Variants in DHRSX observed in about 807,000 individuals in gnomAD.
The protein encoded by DHRSX is polyprenol dehydrogenase.
Under a neutral mutation model 34.0 loss-of-function variants are expected in DHRSX, and 31 were observed. The ratio of observed to expected loss-of-function variants is 0.91; its 90% CI spans 0.69 to 1.23. The LOEUF (loss-of-function observed/expected upper bound fraction) is 1.23, where lower values mean the gene tolerates loss of function less well. DHRSX is among the 50% of genes most tolerant of loss of function. DHRSX has a pLI of 0.00. For synonymous variants in DHRSX, 201 were observed against 183.8 expected, an observed-to-expected ratio of 1.09 and a Z score of -0.76; for missense variants, 414 against 428.1, an observed-to-expected ratio of 0.97 and a Z score of 0.29.
chrX:2,317,783 G>A (rs2042258628), intron 3 of DHRSX, among the ~76,000 whole-genome samples: 1 of 152,102 alleles, frequency 6.6e-6, no homozygotes, highest in Non-Finnish European at 1.5e-5. Flanking sequence ...ATCCACTTTT[G>A]CATAAGACAA....
chrX:2,472,909 T>C (rs967815332), intron 1 of DHRSX, among the ~76,000 whole-genome samples: 18 of 152,062 alleles, frequency 1.2e-4, no homozygotes, highest in Non-Finnish European at 1.8e-4. Flanking sequence ...GTTGCCAACA[T>C]GAGTGTGAGA....
At chrX:2,331,005 GA>G (rs2042465704) in intron 3 of DHRSX, among the ~76,000 whole-genome samples, 1 of 152,184 alleles carries the variant, frequency 6.6e-6, no homozygotes, top group Non-Finnish European at 1.5e-5. Context: ...AAACTTAGCA[GA>G]AGGGAGAACA....
chrX:2,299,031 G>A (rs2041980560), intron 3 of DHRSX, among the ~76,000 whole-genome samples: 1 of 148,186 alleles, frequency 6.7e-6, no homozygotes, highest in African/African-American at 2.5e-5. Flanking sequence ...AAATGTGGAA[G>A]GATTCCTTAA....
chrX:2,230,457 C>G (rs560859422), intron 6 of DHRSX, among the ~76,000 whole-genome samples: 3 of 152,278 alleles, frequency 2.0e-5, no homozygotes, highest in East Asian at 1.9e-4. Flanking sequence ...ATGGCTTGTG[C>G]TGTTTAATGT....
At chrX:2,222,834 C>T (rs1277871153) in intron 6 of DHRSX, among the ~76,000 whole-genome samples, 6 of 152,188 alleles carry the variant, frequency 3.9e-5, no homozygotes, top group Admixed American at 3.3e-4. Context: ...GTCTTGACTT[C>T]AGCAGCCAGT....
chrX:2,358,243 G>A (rs1487953460), intron 3 of DHRSX, among the ~76,000 whole-genome samples: 1 of 152,128 alleles, frequency 6.6e-6, no homozygotes, highest in Non-Finnish European at 1.5e-5. Context: ...GAAAGTATCT[G>A]CCAACTATGC....
rs745897455 is a variant in DHRSX at position 2,428,680 on chromosome X, T to C, written c.110-3376A>G. 5.3e-5 allele frequency among the ~76,000 whole-genome samples: 8 copies of C among 152,212 alleles called. No individual in the cohort carries two copies. The South Asian group carries it at 1.7e-3, about 32-fold the overall frequency. On this transcript the variant is annotated intron_variant, in intron 1 of 6. Coordinates refer to ENST00000334651, the MANE Select transcript of DHRSX (RefSeq NM_145177.3). ...CAAACACCTAATGTAGATGATGGGT[T>C]GATGGGTGCAGCAAACCACCATGGC... is the stretch of plus-strand genomic sequence containing the variant.
chrX:2,312,872 C>A (rs2042179893), intron 3 of DHRSX, among the ~76,000 whole-genome samples: 1 of 152,110 alleles, frequency 6.6e-6, no homozygotes, highest in Non-Finnish European at 1.5e-5. Context: ...TGGGCCAGAT[C>A]CAATGTGCTT....
At chrX:2,237,111 A>T (rs2016034760) in intron 6 of DHRSX, among the ~76,000 whole-genome samples, 1 of 152,138 alleles carries the variant, frequency 6.6e-6, no homozygotes, top group East Asian at 1.9e-4. Context: ...GCTTGAACCC[A>T]GGAGGCGGAG....
chrX:2,230,448 T>C (rs951457052), intron 6 of DHRSX, among the ~76,000 whole-genome samples: 8 of 152,176 alleles, frequency 5.3e-5, no homozygotes, highest in Non-Finnish European at 1.0e-4. Context: ...AGAGAGGAGA[T>C]GGCTTGTGCT....
At chrX:2,374,382 T>C (rs1287830538) in intron 3 of DHRSX, among the ~76,000 whole-genome samples, 1 of 151,786 alleles carries the variant, frequency 6.6e-6, no homozygotes, top group East Asian at 2.0e-4. Flanking sequence ...GAAGATTCCT[T>C]GAGCTCAGGA....
At chrX:2,408,114 T>G (rs1390748907) in intron 3 of DHRSX, among the ~76,000 whole-genome samples, 1 of 143,106 alleles carries the variant, frequency 7.0e-6, no homozygotes, top group Non-Finnish European at 1.5e-5. Context: ...TCTTTTTTTC[T>G]TTCTTTCTTT....
chrX:2,357,728 T>C (rs1042442606), intron 3 of DHRSX, among the ~76,000 whole-genome samples: 7 of 150,530 alleles, frequency 4.7e-5, no homozygotes, highest in African/African-American at 1.7e-4. Flanking sequence ...AAAGAATCAT[T>C]GCTTGTTTCT....
chrX:2,364,566 A>T (rs1479106004), intron 3 of DHRSX, among the ~76,000 whole-genome samples: 1 of 152,040 alleles, frequency 6.6e-6, no homozygotes, highest in Non-Finnish European at 1.5e-5. Context: ...CCTATTTACC[A>T]CCTATCACCT....
chrX:2,261,698 G>C (rs2041365612), intron 5 of DHRSX: 1 of 150,764 alleles, frequency 6.6e-6, no homozygotes, highest in Admixed American at 6.6e-5. Flanking sequence ...TTGAACCCGG[G>C]AGGCGGAGGT....
chrX:2,493,920 C>T (rs1320995796), intron 1 of DHRSX, among the ~76,000 whole-genome samples: 1 of 151,848 alleles, frequency 6.6e-6, no homozygotes, highest in Non-Finnish European at 1.5e-5. Flanking sequence ...TGCAGTGAGC[C>T]GAGATGGCGC....
chrX:2,251,237 G>C (rs887719993), intron 5 of DHRSX, among the ~76,000 whole-genome samples: 2 of 152,160 alleles, frequency 1.3e-5, no homozygotes, highest in Non-Finnish European at 2.9e-5. Flanking sequence ...TCTCTGAGAA[G>C]CAAACTTCAT....
chrX:2,336,635 TG>T (rs199760633), intron 3 of DHRSX, among the ~76,000 whole-genome samples: 3,399 of 151,624 alleles, frequency 0.022, 115 homozygotes, highest in African/African-American at 0.077. Flanking sequence ...GTTTTGCTGT[TG>T]TTGCCCAGGC....
At chrX:2,346,170 T>A (rs1319431773) in intron 3 of DHRSX, among the ~76,000 whole-genome samples, 1 of 152,150 alleles carries the variant, frequency 6.6e-6, no homozygotes, top group Non-Finnish European at 1.5e-5. Context: ...TATTTTCTGA[T>A]AATGTTTCTA....
Sources: allele counts gnomAD v4.1 joint callset (sites outside exome capture counted in the v4.1 genomes callset), GRCh38; gene constraint gnomAD v4.1.1; transcripts MANE v1.5; gene names NCBI Gene and HGNC (gene_info 2026-07-23, HGNC 2026-07-21).